Variants in COL8A1 observed in about 807,000 individuals in gnomAD.
COL8A1 encodes collagen alpha-1(VIII) chain.
A neutral mutation model predicts 42.7 loss-of-function variants in COL8A1; 21 were observed. That is an observed-to-expected ratio of 0.49 (90% CI 0.35 to 0.71). COL8A1 has a LOEUF of 0.71. COL8A1 is among the 30% of genes least tolerant of loss of function. The pLI is 0.01. For synonymous variants in COL8A1, 367 were observed against 369.1 expected (o/e 0.99, Z 0.06); for missense variants, 788 against 962.4 (o/e 0.82, Z 2.40).
intron 1 of COL8A1, among the ~76,000 whole-genome samples, chr3:99,697,147 C>G (rs570988161): frequency 3.3e-5 from 5 of 151,074 alleles, no homozygotes; most frequent in African/African-American, 1.2e-4. Flanking sequence ...CCACTACGCC[C>G]GGCTAATTTT....
chr3:99,756,394 A>G (rs536151385), intron 2 of COL8A1, among the ~76,000 whole-genome samples: 103 of 152,280 alleles, frequency 6.8e-4, no homozygotes, highest in Middle Eastern at 3.4e-3. Context: ...ATTCTGAACC[A>G]GACCATGGTC....
intron 2 of COL8A1, among the ~76,000 whole-genome samples, chr3:99,749,703 TA>T (rs1010664557): frequency 2.0e-5 from 3 of 151,658 alleles, no homozygotes; most frequent in South Asian, 2.1e-4. Flanking sequence ...AGGTCTTATG[TA>T]AAAAAAAATT....
intron 1 of COL8A1, among the ~76,000 whole-genome samples, chr3:99,725,018 G>A (rs1428220663): frequency 6.6e-6 from 1 of 152,058 alleles, no homozygotes; most frequent in Non-Finnish European, 1.5e-5. Flanking sequence ...ATTAAATGAT[G>A]TATAATATAG....
intron 1 of COL8A1, among the ~76,000 whole-genome samples, chr3:99,725,861 G>A (rs941636658): frequency 6.6e-6 from 1 of 151,994 alleles, no homozygotes; most frequent in Admixed American, 6.6e-5. Flanking sequence ...TGTGAATAGT[G>A]CCGCAATAAA....
intron 1 of COL8A1, among the ~76,000 whole-genome samples, chr3:99,660,424 C>T (rs770840435): frequency 6.6e-6 from 1 of 152,182 alleles, no homozygotes; most frequent in Non-Finnish European, 1.5e-5. Context: ...TGACATAACT[C>T]CCACCAGATC....
chr3:99,696,323 C>G (rs769430599), intron 1 of COL8A1, among the ~76,000 whole-genome samples: 1 of 152,174 alleles, frequency 6.6e-6, no homozygotes, highest in Non-Finnish European at 1.5e-5. Context: ...TTAAGAACAA[C>G]TTATTTCAAA....
At chr3:99,762,437 T>C (rs989985165) in intron 2 of COL8A1, among the ~76,000 whole-genome samples, 2 of 152,214 alleles carry the variant, frequency 1.3e-5, no homozygotes, top group African/African-American at 4.8e-5. Flanking sequence ...CTTGTCAGTA[T>C]GTCTTCATAT....
At chr3:99,677,463 T>C (rs996282453) in intron 1 of COL8A1, among the ~76,000 whole-genome samples, 10 of 152,132 alleles carry the variant, frequency 6.6e-5, no homozygotes, top group Non-Finnish European at 8.8e-5. Context: ...TGGTTTTAAA[T>C]TGATTTTATT....
intron 1 of COL8A1, among the ~76,000 whole-genome samples, chr3:99,645,470 C>G (rs1021898836): frequency 6.6e-6 from 1 of 152,148 alleles, no homozygotes; most frequent in Non-Finnish European, 1.5e-5. Context: ...TGTCTAGTCC[C>G]TTTTCCAGCC....
chr3:99,684,536 A>G (rs1938990539), intron 1 of COL8A1, among the ~76,000 whole-genome samples: 1 of 152,214 alleles, frequency 6.6e-6, no homozygotes, highest in Non-Finnish European at 1.5e-5. Context: ...AATCTTTATT[A>G]AGAGTTTATC....
At chr3:99,721,386 AAAG>A (rs1940148500) in intron 1 of COL8A1, among the ~76,000 whole-genome samples, 2 of 139,234 alleles carry the variant, frequency 1.4e-5, no homozygotes, top group African/African-American at 5.4e-5. Context: ...AAAAAAAAAG[AAAG>A]GAAAGGAAAA....
At chr3:99,696,520 G>A (rs772364928) in intron 1 of COL8A1, among the ~76,000 whole-genome samples, 1 of 152,158 alleles carries the variant, frequency 6.6e-6, no homozygotes, top group Non-Finnish European at 1.5e-5. Flanking sequence ...GGGCCAAGGA[G>A]GGAAACCAAA....
intron 2 of COL8A1, among the ~76,000 whole-genome samples, chr3:99,773,837 A>ATTATATATATATATATATATATTT (rs1553682090): frequency 4.4e-5 from 2 of 45,396 alleles, no homozygotes. Context: ...ATATATATAT[A>ATTATATATATATATATATATATTT]TTTTTTTTTT....
At chr3:99,638,693 C>A (rs1265746023) in intron 1 of COL8A1, 29 bp downstream of exon 1, 1 of 152,258 alleles carries the variant, frequency 6.6e-6, no homozygotes, top group Non-Finnish European at 1.5e-5. Context: ...AGGCAGCTCA[C>A]CTACCAGGGG....
intron 2 of COL8A1, among the ~76,000 whole-genome samples, chr3:99,748,428 A>G (rs1174013901): frequency 4.6e-5 from 7 of 152,232 alleles, no homozygotes; most frequent in South Asian, 2.1e-4. Context: ...TACTTTATAT[A>G]TTGATTGCAT....
At chr3:99,691,133 C>G (rs1208948002) in intron 1 of COL8A1, among the ~76,000 whole-genome samples, 1 of 152,042 alleles carries the variant, frequency 6.6e-6, no homozygotes, top group South Asian at 2.1e-4. Context: ...CCTGGGTATA[C>G]CAAGGGATGA....
intron 1 of COL8A1, among the ~76,000 whole-genome samples, chr3:99,715,895 G>T (rs1304518191): frequency 1.3e-5 from 2 of 152,030 alleles, no homozygotes; most frequent in East Asian, 3.9e-4. Context: ...TCCTGGAGAT[G>T]ACTCTGAACA....
intron 1 of COL8A1, among the ~76,000 whole-genome samples, chr3:99,720,021 GT>G (rs1940105080): frequency 6.6e-6 from 1 of 152,036 alleles, no homozygotes; most frequent in African/African-American, 2.4e-5. Context: ...TAGAATTATA[GT>G]CATTTATGGT....
intron 1 of COL8A1, among the ~76,000 whole-genome samples, chr3:99,682,517 A>G (rs1938917262): frequency 6.6e-6 from 1 of 152,122 alleles, no homozygotes; most frequent in Admixed American, 6.6e-5. Flanking sequence ...AACATGTTAC[A>G]TCATGATTCT....
Sources: allele counts gnomAD v4.1 joint callset (sites outside exome capture counted in the v4.1 genomes callset), GRCh38; gene constraint gnomAD v4.1.1; transcripts MANE v1.5; gene names NCBI Gene and HGNC (gene_info 2026-07-23, HGNC 2026-07-21).